Variants in RARB observed in about 807,000 individuals in gnomAD.
RARB encodes the protein retinoic acid receptor beta.
RARB carries 17 observed loss-of-function variants against 51.9 expected under a neutral mutation model. That is an observed-to-expected ratio of 0.33 (90% CI 0.22 to 0.49). The LOEUF (loss-of-function observed/expected upper bound fraction) is 0.49. RARB is among the 20% of genes least tolerant of loss of function. The pLI is 0.99. For missense variants in RARB, 369 were observed against 550.8 expected (o/e 0.67, Z 3.30); for synonymous variants, 215 against 195.4 (o/e 1.10, Z -0.84).
At chr3:25,502,229 T>C (rs1697354646) in intron 3 of RARB, among the ~76,000 whole-genome samples, 1 of 152,188 alleles carries the variant, frequency 6.6e-6, no homozygotes, top group East Asian at 1.9e-4. Context: ...GCTGCTGCCC[T>C]CCAGGAGCAT....
At chr3:25,210,065 G>A (rs982267773) in intron 5 of RARB, among the ~76,000 whole-genome samples, 1 of 152,086 alleles carries the variant, frequency 6.6e-6, no homozygotes, top group East Asian at 1.9e-4. Flanking sequence ...CTCCTGAGCT[G>A]GTTCTATTTT....
At chr3:25,575,912 C>T (rs17526942) in intron 4 of RARB, among the ~76,000 whole-genome samples, 13,564 of 152,180 alleles carry the variant, frequency 0.089, 689 homozygotes, top group Admixed American at 0.11. Context: ...TCCATGCTTG[C>T]CGCTCTCTGC....
In RARB at chr3:25,597,303, T is replaced by TATC. The variant is rs377355554; in HGVS notation, c.*689_*691dup. On this transcript the variant is annotated 3_prime_UTR_variant, in exon 8 of 8. Transcript: ENST00000330688. Reference sequence around the variant, plus strand: ...CCTGCACTAGCAGAAGAGAATTCTGTATCAGTGTAACTGCCAGTTCAGTTA... The same window carrying TATC: ...CCTGCACTAGCAGAAGAGAATTCTGTATCATCAGTGTAACTGCCAGTTCAGTTA... The TATC allele has an allele frequency of 6.6e-6, 1 of 152,630 alleles. No individual in the cohort carries two copies. The highest frequency in any genetic ancestry group is 1.5e-5 in the Non-Finnish European group (1 of 68,046). The allele number at this position is 152,630 out of a possible 1,614,324, so 9.5% of individuals were successfully genotyped here.
intron 3 of RARB, among the ~76,000 whole-genome samples, chr3:25,106,456 T>G (rs748703813): frequency 0.013 from 690 of 52,028 alleles, 48 homozygotes; most frequent in South Asian, 0.11. Flanking sequence ...TTTTTGTTTT[T>G]TGTTTTTTTT....
intron 4 of RARB, among the ~76,000 whole-genome samples, chr3:25,168,976 C>T (rs575003968): frequency 6.6e-6 from 1 of 152,114 alleles, no homozygotes; most frequent in Non-Finnish European, 1.5e-5. Context: ...CACACAGGAT[C>T]AGAAATCTGA....
At chr3:25,455,391 CCTT>C (rs1208663686) in intron 1 of RARB, among the ~76,000 whole-genome samples, 1 of 152,162 alleles carries the variant, frequency 6.6e-6, no homozygotes, top group Non-Finnish European at 1.5e-5. Flanking sequence ...AAGCAAATGT[CCTT>C]CTCCCTAACC....
chr3:24,886,568 C>T (rs574468858), intron 2 of RARB, among the ~76,000 whole-genome samples: 44 of 151,964 alleles, frequency 2.9e-4, no homozygotes, highest in African/African-American at 9.4e-4. Context: ...CCTCAGTCTC[C>T]TGAGTAGCTG....
At chr3:25,155,448 G>C (rs2125343416) in intron 4 of RARB, among the ~76,000 whole-genome samples, 1 of 152,268 alleles carries the variant, frequency 6.6e-6, no homozygotes, top group South Asian at 2.1e-4. Context: ...GCTCAGAATT[G>C]AATTGGAACT....
chr3:25,524,730 ATCATTATTTTTTT>A (rs1698568813), intron 3 of RARB, among the ~76,000 whole-genome samples: 1 of 122,712 alleles, frequency 8.1e-6, no homozygotes, highest in Non-Finnish European at 1.8e-5. Context: ...TTTCTTTTTT[ATCATTATTTTTTT>A]TCATGAGATA....
chr3:25,063,985 T>G (rs1260392011), intron 3 of RARB, among the ~76,000 whole-genome samples: 1 of 152,066 alleles, frequency 6.6e-6, no homozygotes, highest in East Asian at 1.9e-4. Flanking sequence ...CAGTTGAATA[T>G]TTTTGAACTT....
intron 2 of RARB, among the ~76,000 whole-genome samples, chr3:24,893,100 C>A (rs1037569992): frequency 1.3e-5 from 2 of 152,186 alleles, no homozygotes; most frequent in Non-Finnish European, 1.5e-5. Flanking sequence ...CCAAAGGATC[C>A]TTTAAATGAA....
rs548365452 is a variant in RARB, at chr3:25,036,849, T to G, written c.-379-23276T>G. On this transcript the variant is annotated intron_variant, in intron 2 of 11. Transcript: ENST00000383772. ...TCTGGCCAGATTCTCTGGGTTTCTT[T>G]GGCACCTTGTCCCAGAGCTACATTC... Among the ~76,000 whole-genome samples the G allele has an allele frequency of 5.3e-5, 8 of 152,314 alleles. No homozygotes were observed. In the South Asian group the frequency reaches 1.7e-3, roughly 32 times the overall value.
chr3:24,837,921 T>A (rs1038503683), intron 1 of RARB, among the ~76,000 whole-genome samples: 8 of 152,228 alleles, frequency 5.3e-5, no homozygotes, highest in Non-Finnish European at 1.0e-4. Flanking sequence ...CATCACACAT[T>A]CACTATATCA....
chr3:25,393,561 C>T (rs1393051660), intron 5 of RARB, among the ~76,000 whole-genome samples: 1 of 151,990 alleles, frequency 6.6e-6, no homozygotes, highest in East Asian at 1.9e-4. Context: ...ATTTCATTCT[C>T]ACTGCTTGTT....
chr3:25,438,850 T>C (rs1186028983), intron 1 of RARB, among the ~76,000 whole-genome samples: 1 of 152,264 alleles, frequency 6.6e-6, no homozygotes, highest in Non-Finnish European at 1.5e-5. Flanking sequence ...GTAACTCGCA[T>C]AGCTTCCTCT....
At chr3:25,261,055 T>A (rs1702986016) in intron 5 of RARB, among the ~76,000 whole-genome samples, 1 of 152,122 alleles carries the variant, frequency 6.6e-6, no homozygotes, top group South Asian at 2.1e-4. Flanking sequence ...CTCCTAGGGT[T>A]GTTGTGGGAA....
At chr3:24,960,333 A>G (rs1696111143) in intron 2 of RARB, among the ~76,000 whole-genome samples, 1 of 152,200 alleles carries the variant, frequency 6.6e-6, no homozygotes, top group African/African-American at 2.4e-5. Context: ...GTTATGCAGC[A>G]CAGTGACTTT....
chr3:25,021,341 C>T (rs1279568488), intron 2 of RARB, among the ~76,000 whole-genome samples: 1 of 152,088 alleles, frequency 6.6e-6, no homozygotes, highest in Non-Finnish European at 1.5e-5. Flanking sequence ...AGAAGATTGA[C>T]TTATTTGTAG....
At chr3:25,027,342 G>C (rs1169182900) in intron 2 of RARB, among the ~76,000 whole-genome samples, 1 of 152,124 alleles carries the variant, frequency 6.6e-6, no homozygotes, top group Non-Finnish European at 1.5e-5. Flanking sequence ...TATCCTGGTT[G>C]TACCCAAGCA....
Sources: gnomAD v4.1 joint callset for allele counts (sites outside exome capture counted in the v4.1 genomes callset) on GRCh38, gnomAD v4.1.1 for gene constraint, MANE v1.5 for transcripts, NCBI Gene and HGNC (gene_info 2026-07-23, HGNC 2026-07-21) for gene names.